Variants in CADPS observed in about 807,000 individuals in gnomAD.
The protein encoded by CADPS is calcium-dependent secretion activator 1.
A neutral mutation model predicts 167.3 loss-of-function variants in CADPS; 57 were observed. That is an observed-to-expected ratio of 0.34 (90% CI 0.28 to 0.42). CADPS has a LOEUF of 0.42. Among genes scored for constraint, CADPS ranks in the 20% least tolerant of loss-of-function variants. The pLI is 1.00. For synonymous variants in CADPS, 676 were observed against 635.3 expected (o/e 1.06, Z -0.96); for missense variants, 1,414 against 1,738.1 (o/e 0.81, Z 3.32).
At chr3:62,771,789 C>T (rs1414542882) in intron 1 of CADPS, among the ~76,000 whole-genome samples, 8 of 152,194 alleles carry the variant, frequency 5.3e-5, no homozygotes, top group Non-Finnish European at 7.3e-5. Flanking sequence ...GTTCCGTCTA[C>T]CTCATTAACC....
intron 9 of CADPS, among the ~76,000 whole-genome samples, chr3:62,564,132 G>A (rs2079680782): frequency 6.6e-6 from 1 of 152,052 alleles, no homozygotes; most frequent in Admixed American, 6.6e-5. Context: ...CTCCCAAGTA[G>A]CTGGGACTAC....
In CADPS at chr3:62,549,920, G is replaced by A. The variant is rs2077060028; in HGVS notation, c.1949C>T (p.Ala650Val). The change falls in exon 11 of 30, where the codon GCC becomes GTC. Residue 650 changes from alanine (A) to valine (V), a missense_variant. Transcript: ENST00000383710. ...AKGGNVPQLDAPISQFYADRA... is the reference protein window; with the variant it reads ...AKGGNVPQLDVPISQFYADRA... ...TTACTTACAAAATTGAGAGATAGGG[G>A]CATCCAGCTGAGGTACATTTCCTCC... 5 of 1,613,678 alleles carry A rather than the reference G, an allele frequency of 3.1e-6. No homozygotes were observed. The Admixed American group carries it at 5.0e-5, about 16-fold the overall frequency.
rs548260400 is a variant in CADPS at position 62,785,444 on chromosome 3, C to T, written c.442-19460G>A. Among the ~76,000 whole-genome samples the T allele has an allele frequency of 3.3e-5, 5 of 152,290 alleles. No homozygotes were observed. The East Asian group carries it at 9.6e-4, about 29-fold the overall frequency. ...TCATACACCTTGAGCCTTGCTTTGC[C>T]ATCCATCGTTTTTGTTGTTGTTGTT... is the stretch of plus-strand genomic sequence containing the variant. On this transcript the variant is annotated intron_variant, in intron 1 of 29. Coordinates refer to ENST00000383710, the MANE Select transcript of CADPS (RefSeq NM_003716.4).
intron 7 of CADPS, 50 bp downstream of exon 7, chr3:62,592,587 G>C: frequency 1.4e-6 from 2 of 1,408,560 alleles, no homozygotes; most frequent in South Asian, 1.2e-5. Context: ...TGGAGACCTA[G>C]CTGGGGAAAT....
chr3:62,729,668 CATA>C (rs2077393441), intron 3 of CADPS, among the ~76,000 whole-genome samples: 3 of 151,804 alleles, frequency 2.0e-5, no homozygotes, highest in Admixed American at 6.5e-5. Context: ...TTGTCTGATA[CATA>C]ATAAGCATAA....
chr3:62,617,800 T>G lies in CADPS; in HGVS notation c.1326-25052A>C, dbSNP rs1367663692. The stretch of plus-strand genomic sequence containing the variant: ...TGAAGAAAGGGTAGAAACCTGTAGG[T>G]TGGGTAGGATGAATGAACTATGTGA... On this transcript the variant is annotated intron_variant, in intron 6 of 29. Transcript: ENST00000383710. 2.0e-5 allele frequency among the ~76,000 whole-genome samples: 3 copies of G among 151,980 alleles called. No individual in the cohort carries two copies. The East Asian group carries it at 5.8e-4, about 29-fold the overall frequency.
chr3:62,829,722 G>C (rs1457073899), intron 1 of CADPS, among the ~76,000 whole-genome samples: 1 of 152,036 alleles, frequency 6.6e-6, no homozygotes, highest in Non-Finnish European at 1.5e-5. Flanking sequence ...CTTTTGTTGG[G>C]CTATTATTGG....
chr3:62,639,898 A>C (rs1345979772), intron 6 of CADPS, among the ~76,000 whole-genome samples: 1 of 152,004 alleles, frequency 6.6e-6, no homozygotes, highest in Admixed American at 6.6e-5. Flanking sequence ...AAAGCCTTGC[A>C]CTTGCTGTTT....
At chr3:62,696,073 A>G (rs142512398) in intron 3 of CADPS, among the ~76,000 whole-genome samples, 1 of 152,202 alleles carries the variant, frequency 6.6e-6, no homozygotes, top group African/African-American at 2.4e-5. Flanking sequence ...CCTACATATA[A>G]AAGTGTAGGT....
In CADPS at chr3:62,438,487, T is replaced by C. The variant is rs1161037691; in HGVS notation, c.3670-276A>G. The C allele has an allele frequency of 2.1e-5, 8 of 378,318 alleles. No individual in the cohort carries two copies. Among genetic ancestry groups the C allele is most frequent in the Non-Finnish European group, 3.4e-5 (7 of 203,978 alleles). 23.4% of individuals were successfully genotyped at this position (378,318 alleles called of 1,614,324 possible). On this transcript the variant is annotated intron_variant, in intron 27 of 29. Transcript: ENST00000383710. This position sits in a 1 kb window ranked among gnomAD's most constrained non-coding sequence, Gnocchi z 4.7. Reference sequence around the variant, plus strand: ...ATGATAAATTTTTTCCTGGCAAATTTATCTAATGGATAAATCTTTACTGCA... The same window carrying C: ...ATGATAAATTTTTTCCTGGCAAATTCATCTAATGGATAAATCTTTACTGCA...
rs533396889 is a variant in CADPS at position 62,510,847 on chromosome 3, G to A, written c.2599+1904C>T. ...AATTGAAAAGGGAGGGAAGGGGTAA[G>A]AAAGAAAAAACATTTAAAGGCCAGG... On this transcript the variant is annotated intron_variant, in intron 17 of 29. Coordinates refer to ENST00000383710, the MANE Select transcript of CADPS (RefSeq NM_003716.4). 2.6e-5 allele frequency among the ~76,000 whole-genome samples: 4 copies of A among 152,082 alleles called. No homozygotes were observed. In the South Asian group the frequency reaches 8.3e-4, roughly 32 times the overall value.
At chr3:62,849,428 CTTA>C (rs1238459047) in intron 1 of CADPS, among the ~76,000 whole-genome samples, 83 of 116,012 alleles carry the variant, frequency 7.2e-4, no homozygotes, top group Middle Eastern at 4.1e-3. Flanking sequence ...ATAGATAGCT[CTTA>C]TTATTTTGAA....
chr3:62,410,529 A>C (rs1431883337), intron 28 of CADPS, among the ~76,000 whole-genome samples: 1 of 152,230 alleles, frequency 6.6e-6, no homozygotes, highest in Non-Finnish European at 1.5e-5. Context: ...GAGGCAGTGC[A>C]ACCTGTGGCT....
intron 17 of CADPS, among the ~76,000 whole-genome samples, chr3:62,511,258 C>T (rs2067759494): frequency 6.6e-6 from 1 of 152,162 alleles, no homozygotes; most frequent in South Asian, 2.1e-4. Context: ...CTGTCCCTGC[C>T]TACCTTGCCA....
Position 62,432,239 on chromosome 3 carries a change from T to C in CADPS, c.3777+5865A>G, listed in dbSNP as rs557987845. Among the ~76,000 whole-genome samples the C allele has an allele frequency of 5.3e-5, 8 of 152,334 alleles. No individual in the cohort carries two copies. In the East Asian group the frequency reaches 1.5e-3, roughly 29 times the overall value. On this transcript the variant is annotated intron_variant, in intron 28 of 29. Coordinates refer to ENST00000383710, the MANE Select transcript of CADPS (RefSeq NM_003716.4). ...TAACTACGTCTGTCTACATTCATTA[T>C]ATCATTTAGTCCTCACGAAAACTGT...
intron 17 of CADPS, among the ~76,000 whole-genome samples, chr3:62,505,875 T>C (rs2066589735): frequency 6.6e-6 from 1 of 152,112 alleles, no homozygotes; most frequent in Non-Finnish European, 1.5e-5. Flanking sequence ...CAAATATTGG[T>C]AGAAGGGAAT....
chr3:62,668,230 G>A (rs1273408126), intron 3 of CADPS, among the ~76,000 whole-genome samples: 1 of 152,192 alleles, frequency 6.6e-6, no homozygotes, highest in East Asian at 1.9e-4. Context: ...AAAACCTATG[G>A]TTCTGAGCTT....
chr3:62,796,895 G>A (rs1274164015), intron 1 of CADPS, among the ~76,000 whole-genome samples: 2 of 152,140 alleles, frequency 1.3e-5, no homozygotes, highest in African/African-American at 4.8e-5. Context: ...TGAAAACACT[G>A]CTTCCCATAA....
At chr3:62,467,731 A>C (rs2060109767) in intron 24 of CADPS, among the ~76,000 whole-genome samples, 1 of 152,190 alleles carries the variant, frequency 6.6e-6, no homozygotes, top group Admixed American at 6.5e-5. Flanking sequence ...GAACGGGAAC[A>C]AAGCCAACCC....
Sources: allele counts gnomAD v4.1 joint callset (sites outside exome capture counted in the v4.1 genomes callset), GRCh38; gene constraint gnomAD v4.1.1; non-coding constraint Gnocchi (gnomAD v3.1); transcripts MANE v1.5; gene names NCBI Gene and HGNC (gene_info 2026-07-23, HGNC 2026-07-21).